CD8B2: variants seen among roughly 807,000 people sequenced by gnomAD.
The protein encoded by CD8B2 is T-cell surface glycoprotein CD8 beta-2 chain.
Under a neutral mutation model 23.7 loss-of-function variants are expected in CD8B2, and 11 were observed. The observed-to-expected ratio is 0.46, with a 90% confidence interval of 0.29 to 0.77. The LOEUF (loss-of-function observed/expected upper bound fraction) is 0.77, where lower values mean the gene tolerates loss of function less well. CD8B2 is among the 30% of genes least tolerant of loss of function. The pLI is 0.09. For synonymous variants in CD8B2, 90 were observed against 109.3 expected, an observed-to-expected ratio of 0.82 and a Z score of 1.10; for missense variants, 197 against 270.5, an observed-to-expected ratio of 0.73 and a Z score of 1.91.
In CD8B2 at chr2:106,507,116, G is replaced by C; in HGVS notation, c.*176G>C. Reference sequence around the variant, plus strand: ...TGTGTGACGTGCATGGGAGCAACTTGTTTGTGGGTCATCGGGAATACTAGG... The same window carrying C: ...TGTGTGACGTGCATGGGAGCAACTTCTTTGTGGGTCATCGGGAATACTAGG... On this transcript the variant is annotated 3_prime_UTR_variant, in exon 6 of 6. Coordinates refer to ENST00000643224, the MANE Select transcript of CD8B2 (RefSeq NM_001349727.2). The C allele has an allele frequency of 6.7e-7, 1 of 1,489,388 alleles. No homozygotes were observed. The highest frequency in any genetic ancestry group is 1.4e-5 in the African/African-American group (1 of 71,088). The allele number at this position is 1,489,388 out of a possible 1,614,324, so 92.3% of individuals were successfully genotyped here. A position where few individuals can be genotyped will look rare whatever the true frequency, so the allele number is the denominator to read the frequency against.
In CD8B2 at chr2:106,491,073, C is replaced by T. The variant is rs186972272; in HGVS notation, c.243C>T (p.His81=). Residue 81 remains histidine, a synonymous_variant, in exon 2 of 6, where the codon CAC becomes CAT. Transcript: ENST00000643224. The stretch of plus-strand genomic sequence containing the variant: ...GGGATTCCGCAAAAGGGACTATCCA[C>T]GGTGAAGAGGTGGAACAGGAGAAGA... The part of the protein sequence containing the change: ...TLWDSAKGTI[H]GEEVEQEKIA... The T allele has an allele frequency of 2.2e-5, 35 of 1,613,826 alleles. No individual in the cohort carries two copies. The highest frequency in any genetic ancestry group is 2.0e-4 in the East Asian group (9 of 44,890).
At chr2:106,504,496 G>C (rs1337389969) in intron 5 of CD8B2, among the ~76,000 whole-genome samples, 171 bp downstream of exon 5, 3 of 152,136 alleles carry the variant, frequency 2.0e-5, no homozygotes, top group Non-Finnish European at 4.4e-5. Context: ...TGAAGCAGGA[G>C]GATCACTTGA....
At chr2:106,526,278 C>T (rs1558885103) in intron 5 of CD8B2, among the ~76,000 whole-genome samples, 1 of 151,858 alleles carries the variant, frequency 6.6e-6, no homozygotes, top group Non-Finnish European at 1.5e-5. Context: ...ATGAATACAA[C>T]TCACATACCT....
rs1048708343 is a variant in CD8B2, at chr2:106,507,994, A to G, written c.*1054A>G. The G allele has an allele frequency of 6.7e-6, 1 of 149,290 alleles. No individual in the cohort carries two copies. Among genetic ancestry groups the G allele is most frequent in the Admixed American group, 6.7e-5 (1 of 14,864 alleles). 9.2% of individuals were successfully genotyped at this position (149,290 alleles called of 1,614,324 possible). ...GGTAGGAGGCATGAGGGGTTCTGTC[A>G]CATGTCTCTTCATTTTCTTATTGAT... On this transcript the variant is annotated 3_prime_UTR_variant, in exon 6 of 6. Transcript: ENST00000643224.
At chr2:106,524,422 G>A (rs907684711) in intron 5 of CD8B2, among the ~76,000 whole-genome samples, 3 of 152,190 alleles carry the variant, frequency 2.0e-5, no homozygotes, top group African/African-American at 7.2e-5. Flanking sequence ...TCCTTCTGTT[G>A]AAGGGTGTTC....
Position 106,507,266 on chromosome 2 carries a change from G to C in CD8B2, c.*326G>C. On this transcript the variant is annotated 3_prime_UTR_variant, in exon 6 of 6. Coordinates refer to ENST00000643224, the MANE Select transcript of CD8B2 (RefSeq NM_001349727.2). Reference sequence around the variant, plus strand: ...TGAGCTGGGACCTTTAGTGGTGGCCGTTTAGCCACCATCTTTGCAAGTTGC... The same window carrying C: ...TGAGCTGGGACCTTTAGTGGTGGCCCTTTAGCCACCATCTTTGCAAGTTGC... 1 of 1,134,990 alleles carries C rather than the reference G, an allele frequency of 8.8e-7. No individual in the cohort carries two copies. The allele number at this position is 1,134,990 out of a possible 1,614,324, so 70.3% of individuals were successfully genotyped here. A position where few individuals can be genotyped will look rare whatever the true frequency, so the allele number is the denominator to read the frequency against.
At chr2:106,503,439 A>G (rs1679451949) in intron 4 of CD8B2, among the ~76,000 whole-genome samples, 1 of 152,080 alleles carries the variant, frequency 6.6e-6, no homozygotes, top group Non-Finnish European at 1.5e-5. Context: ...GGGCCCATGT[A>G]CCCCATTCTA....
intron 5 of CD8B2, among the ~76,000 whole-genome samples, chr2:106,536,642 T>C (rs10191086): frequency 0.83 from 126,105 of 152,164 alleles, 53,159 homozygotes; most frequent in East Asian, 1. Flanking sequence ...AGGGTGAAAC[T>C]GAGAAGCATA....
At chr2:106,513,555 G>A (rs545763358), downstream of CD8B2, among the ~76,000 whole-genome samples, 162 of 150,664 alleles carry the variant, frequency 1.1e-3, no homozygotes, top group African/African-American at 3.7e-3. Context: ...AGTTACGAGG[G>A]GAAGATGTGA....
downstream of CD8B2, among the ~76,000 whole-genome samples, chr2:106,512,870 C>T (rs373351594): frequency 6.3e-4 from 96 of 152,258 alleles, no homozygotes; most frequent in East Asian, 0.014. Flanking sequence ...CCCCAGGGCT[C>T]GCAGTCTTGC....
chr2:106,537,674 G>A (rs959383964), intron 5 of CD8B2, among the ~76,000 whole-genome samples: 2 of 152,198 alleles, frequency 1.3e-5, no homozygotes, highest in Non-Finnish European at 2.9e-5. Context: ...GAAGCGACAA[G>A]GAATGAAAAG....
At chr2:106,497,000 C>T (rs151118508) in intron 3 of CD8B2, among the ~76,000 whole-genome samples, 2 of 152,350 alleles carry the variant, frequency 1.3e-5, no homozygotes, top group East Asian at 1.9e-4. Context: ...TTTGGCCAGA[C>T]GTGGTGGCTC....
intron 5 of CD8B2, among the ~76,000 whole-genome samples, chr2:106,537,155 C>T (rs1680102656): frequency 6.6e-6 from 1 of 152,110 alleles, no homozygotes. Context: ...TGGTGCTAAC[C>T]AGGCCTCATG....
At chr2:106,487,739 G>A (rs6711625) in intron 1 of CD8B2, among the ~76,000 whole-genome samples, 2,282 of 152,298 alleles carry the variant, frequency 0.015, 33 homozygotes, top group South Asian at 0.03. Context: ...GCAGTGAAAA[G>A]GGGAGCGAGT....
Position 106,538,368 on chromosome 2 carries a change from C to T in CD8B2, c.621-5624C>T, listed in dbSNP as rs181886522. Among the ~76,000 whole-genome samples the T allele has an allele frequency of 7.3e-4, 111 of 152,238 alleles. 1 individual carries two copies. The highest frequency in any genetic ancestry group is 2.3e-3 in the African/African-American group (94 of 41,550). On this transcript the variant is annotated intron_variant, in intron 5 of 5. Coordinates refer to the CD8B2 transcript ENST00000416057. The stretch of plus-strand genomic sequence containing the variant: ...TCATCTTGTTGCTTTTTGCTTGAAA[C>T]GGTACACAAATGGCCTGCTTTTCTC...
At chr2:106,491,378 G>A in intron 2 of CD8B2, 145 bp downstream of exon 2, 1 of 723,970 alleles carries the variant, frequency 1.4e-6, no homozygotes, top group Non-Finnish European at 2.4e-6. Flanking sequence ...AGAACATGTG[G>A]AGACTTACCC....
At chr2:106,491,638 C>T (rs1310986997) in intron 2 of CD8B2, among the ~76,000 whole-genome samples, 1 of 152,116 alleles carries the variant, frequency 6.6e-6, no homozygotes, top group Admixed American at 6.5e-5. Context: ...GCCTCTGCTT[C>T]CTGGGTTCAA....
intron 3 of CD8B2, among the ~76,000 whole-genome samples, chr2:106,499,205 C>A (rs1679353554): frequency 6.6e-6 from 1 of 152,134 alleles, no homozygotes; most frequent in Non-Finnish European, 1.5e-5. Context: ...CTGTACATCC[C>A]TGCGACCTGC....
chr2:106,503,239 G>C (rs1440544802), intron 4 of CD8B2, among the ~76,000 whole-genome samples: 1 of 152,130 alleles, frequency 6.6e-6, no homozygotes, highest in Non-Finnish European at 1.5e-5. Context: ...GTGCCACCTC[G>C]AGCCAGCCCC....
Sources: allele counts gnomAD v4.1 joint callset (sites outside exome capture counted in the v4.1 genomes callset), GRCh38; gene constraint gnomAD v4.1.1; transcripts MANE v1.5; gene names NCBI Gene and HGNC (gene_info 2026-07-23, HGNC 2026-07-21).